The following EVC variants were observed in gnomAD, a reference collection of about 807,000 sequenced individuals.
The protein encoded by EVC is evC complex member EVC.
EVC carries 116 observed loss-of-function variants against 118.9 expected under a neutral mutation model. That is an observed-to-expected ratio of 0.98 (90% confidence interval 0.84 to 1.14). The LOEUF is 1.14. Among genes scored for constraint, EVC ranks in the 50% most tolerant of loss-of-function variants. The probability of loss-of-function intolerance (pLI) is 0.00; values close to 1 mark genes in which losing one functional copy is unlikely to be tolerated. For synonymous variants in EVC, 619 were observed against 534.7 expected (o/e 1.16, Z -2.18); for missense variants, 1,401 against 1,246.4 (o/e 1.12, Z -1.87).
intron 11 of EVC, among the ~76,000 whole-genome samples, chr4:5,762,017 G>C (rs1263776319): frequency 1.3e-5 from 2 of 149,772 alleles, no homozygotes; most frequent in South Asian, 2.2e-4. Flanking sequence ...TCGTCATCTA[G>C]CATTAGGTAT....
At chr4:5,810,507 T>A in intron 20 of EVC, 57 bp downstream of exon 20, 1 of 1,322,386 alleles carries the variant, frequency 7.6e-7, no homozygotes, top group Non-Finnish European at 1.1e-6. Context: ...TGCACTCAGC[T>A]GCTGTGTGCC....
intron 11 of EVC, chr4:5,758,030 T>A: frequency 1.4e-6 from 1 of 701,690 alleles, no homozygotes; most frequent in Non-Finnish European, 2.6e-6. Flanking sequence ...GTTGGTTAGG[T>A]CCTACTGGAT....
intron 15 of EVC, among the ~76,000 whole-genome samples, chr4:5,799,268 G>A (rs1291556891): frequency 6.6e-6 from 1 of 152,172 alleles, no homozygotes; most frequent in African/African-American, 2.4e-5. Flanking sequence ...GTAGACAGTG[G>A]TTTAACTCCT....
chr4:5,718,758 G>T (rs1224979510), intron 1 of EVC, among the ~76,000 whole-genome samples: 1 of 152,196 alleles, frequency 6.6e-6, no homozygotes, highest in African/African-American at 2.4e-5. Context: ...CATAAATAAT[G>T]AGCATTCATT....
At chr4:5,739,148 A>G (rs917171557) in intron 5 of EVC, among the ~76,000 whole-genome samples, 1 of 152,194 alleles carries the variant, frequency 6.6e-6, no homozygotes, top group African/African-American at 2.4e-5. Flanking sequence ...TTGAATCTAT[A>G]ACTATCTCAA....
chr4:5,794,325 T>TTATATATATTTA lies in EVC; in HGVS notation c.1886+613_1886+624dup, dbSNP rs1553890310. 2.3e-3 allele frequency among the ~76,000 whole-genome samples: 311 copies of TTATATATATTTA among 135,234 alleles called. 2 individuals are homozygous for TTATATATATTTA. The highest frequency in any genetic ancestry group is 8.4e-3 in the African/African-American group (300 of 35,612). 88.7% of individuals were successfully genotyped at this position (135,234 alleles called of 152,430 possible). ...TATATTTTTATATATTTATATATAT[T>TTATATATATTTA]TATATATATTTATATACTTATATAT... is the stretch of plus-strand genomic sequence containing the variant. On this transcript the variant is annotated intron_variant, in intron 13 of 20. Transcript: ENST00000264956.
chr4:5,736,021 C>T (rs138255088), intron 5 of EVC, among the ~76,000 whole-genome samples: 1,981 of 152,190 alleles, frequency 0.013, 26 homozygotes, highest in Non-Finnish European at 0.022. Context: ...ACATGAGACC[C>T]TCATGCATCC....
intron 20 of EVC, 41 bp from the exon 21 acceptor site, chr4:5,810,912 A>C (rs1293378614): frequency 1.9e-6 from 3 of 1,544,270 alleles, no homozygotes; most frequent in Admixed American, 3.4e-5. Context: ...ATGGGCATGG[A>C]GTCAGCGTTC....
At chr4:5,799,532 C>T (rs966741846) in intron 15 of EVC, among the ~76,000 whole-genome samples, 2 of 152,184 alleles carry the variant, frequency 1.3e-5, no homozygotes, top group Non-Finnish European at 2.9e-5. Flanking sequence ...CCAGCATACA[C>T]GCTGCGCCTG....
At position 5,754,157 on chromosome 4, in the gene EVC, T is replaced by C. The variant is rs918299985; in HGVS notation, c.1464+224T>C. ...AGTTGTGCTGCCCTCACTGGGCTGC[T>C]GAGAAGAGGAGGGGGTAGGATCCGT... On this transcript the variant is annotated intron_variant, in intron 10 of 20. Coordinates refer to ENST00000264956, the MANE Select transcript of EVC (RefSeq NM_153717.3). The surrounding 1 kb of genome is among the most constrained non-coding windows in gnomAD (Gnocchi z 5.8). Among the ~76,000 whole-genome samples, 4 of 152,148 alleles carry C rather than the reference T, an allele frequency of 2.6e-5. No individual in the cohort carries two copies. Among genetic ancestry groups the C allele is most frequent in the African/African-American group, 9.7e-5 (4 of 41,438 alleles).
chr4:5,776,024 G>GTT (rs200868464), intron 11 of EVC, among the ~76,000 whole-genome samples: 1 of 150,328 alleles, frequency 6.7e-6, no homozygotes, highest in East Asian at 2.0e-4. Context: ...TATAGCTGTT[G>GTT]TTTTTTTTTA....
chr4:5,729,224 G>A (rs950870801), intron 2 of EVC, 83 bp from the exon 3 acceptor site: 2 of 1,248,852 alleles, frequency 1.6e-6, no homozygotes. Context: ...TTACAAATGG[G>A]ATGTGGCATT....
the EVC span, chr4:5,825,732 C>A: frequency 2.0e-6 from 3 of 1,524,040 alleles, no homozygotes; most frequent in Admixed American, 6.4e-5. The surrounding 1 kb of genome is among the most constrained non-coding windows in gnomAD (Gnocchi z 4.4). Context: ...TAAAGCAGAG[C>A]CCTGCGGGCG....
At chr4:5,740,638 G>T (rs1298961271) in intron 5 of EVC, among the ~76,000 whole-genome samples, 1 of 152,086 alleles carries the variant, frequency 6.6e-6, no homozygotes, top group East Asian at 1.9e-4. Flanking sequence ...ACCTCTTTAA[G>T]AAGATGAGAA....
chr4:5,818,379 C>T (rs1230416264), downstream of EVC, among the ~76,000 whole-genome samples: 1 of 152,178 alleles, frequency 6.6e-6, no homozygotes, highest in Non-Finnish European at 1.5e-5. Context: ...CTTCCTGGGA[C>T]ATCAGAGCCA....
At chr4:5,800,472 G>C (rs1714768660) in intron 15 of EVC, among the ~76,000 whole-genome samples, 1 of 152,202 alleles carries the variant, frequency 6.6e-6, no homozygotes, top group Non-Finnish European at 1.5e-5. Flanking sequence ...AGTGGGTACG[G>C]GGAGACTGGC....
At chr4:5,751,141 G>A (rs569180097) in intron 8 of EVC, among the ~76,000 whole-genome samples, 4 of 152,294 alleles carry the variant, frequency 2.6e-5, no homozygotes, top group East Asian at 1.9e-4. Flanking sequence ...TTCCCTGGCC[G>A]TTGTTCTCAA....
intron 2 of EVC, among the ~76,000 whole-genome samples, chr4:5,726,731 C>G (rs1213229482): frequency 8.1e-6 from 1 of 124,046 alleles, no homozygotes; most frequent in Non-Finnish European, 1.6e-5. Context: ...CTCCCCCCAC[C>G]CGACAACAGT....
At chr4:5,757,461 C>T (rs751161229) in intron 11 of EVC, among the ~76,000 whole-genome samples, 7 of 152,118 alleles carry the variant, frequency 4.6e-5, no homozygotes, top group Non-Finnish European at 8.8e-5. Context: ...CTAGGGCTGC[C>T]GTGGTGAATA....
Sources: gnomAD v4.1 joint callset for allele counts (sites outside exome capture counted in the v4.1 genomes callset) on GRCh38, gnomAD v4.1.1 for gene constraint, Gnocchi (gnomAD v3.1) non-coding constraint, MANE v1.5 for transcripts, NCBI Gene and HGNC (gene_info 2026-07-23, HGNC 2026-07-21) for gene names.